Variants in STK40 observed in about 807,000 individuals in gnomAD.
STK40 encodes serine/threonine-protein kinase 40.
A neutral mutation model predicts 47.9 loss-of-function variants in STK40; 13 were observed. The ratio of observed to expected loss-of-function variants is 0.27; its 90% CI spans 0.18 to 0.43. The LOEUF (loss-of-function observed/expected upper bound fraction) is 0.43, where lower values mean the gene tolerates loss of function less well. Ranked by LOEUF, STK40 falls within the 20% of genes least tolerant of loss-of-function variation. The pLI is 1.00. For synonymous variants in STK40, 225 were observed against 243.2 expected (o/e 0.93, Z 0.69); for missense variants, 460 against 595.1 (o/e 0.77, Z 2.36).
rs541326255 is a variant in STK40, at chr1:36,383,424, G to A, written c.-9+2299C>T. ...GGGCACATGTGCCAGGCACTTCTGC[G>A]CCAGGCAGAGAAGCCCAGGCCAATG... On this transcript the variant is annotated intron_variant, in intron 1 of 10. Transcript: ENST00000373132. Among the ~76,000 whole-genome samples, 15 of 152,342 alleles carry A rather than the reference G, an allele frequency of 9.8e-5. No individual in the cohort carries two copies. The South Asian group carries it at 2.3e-3, about 23-fold the overall frequency.
chr1:36,367,969 G>A, intron 1 of STK40: 1 of 760,572 alleles, frequency 1.3e-6, no homozygotes. Flanking sequence ...CTGGAATTCA[G>A]ACCTGGTGCC....
intron 1 of STK40, among the ~76,000 whole-genome samples, chr1:36,374,664 T>C (rs56409909): frequency 0.16 from 24,675 of 152,220 alleles, 2,457 homozygotes; most frequent in Middle Eastern, 0.28. Flanking sequence ...CCGTACTGGC[T>C]TGGCCTCTCC....
chr1:36,348,138 GA>G (rs1042007895), intron 7 of STK40, among the ~76,000 whole-genome samples: 1 of 152,246 alleles, frequency 6.6e-6, no homozygotes, highest in African/African-American at 2.4e-5. Context: ...AGAGGGCTCT[GA>G]AACACAAACT....
chr1:36,358,126 G>T (rs1646820546), intron 4 of STK40, 113 bp downstream of exon 4: 4 of 1,320,862 alleles, frequency 3.0e-6, no homozygotes, highest in Non-Finnish European at 4.0e-6. Flanking sequence ...ACCTAGCATG[G>T]CAGGGACACC....
intron 1 of STK40, among the ~76,000 whole-genome samples, chr1:36,374,635 T>TAA (rs1646976585): frequency 6.6e-6 from 1 of 152,172 alleles, no homozygotes. Flanking sequence ...GGGACAGACT[T>TAA]ACAAGCTCTT....
At chr1:36,344,348 A>C (rs1570433210) in intron 7 of STK40, 84 bp from the exon 8 acceptor site, 1 of 1,480,846 alleles carries the variant, frequency 6.8e-7, no homozygotes, top group African/African-American at 1.4e-5. Flanking sequence ...GGGACCCTCC[A>C]CCTGCCACCC....
intron 1 of STK40, among the ~76,000 whole-genome samples, chr1:36,361,546 G>C (rs544738839): frequency 6.6e-6 from 1 of 152,304 alleles, no homozygotes; most frequent in African/African-American, 2.4e-5. Flanking sequence ...GCTAAAGGTG[G>C]ACATCCTTTA....
intron 1 of STK40, among the ~76,000 whole-genome samples, chr1:36,373,906 G>A (rs1646970087): frequency 6.6e-6 from 1 of 152,214 alleles, no homozygotes; most frequent in Admixed American, 6.5e-5. Context: ...CACCCCCTGA[G>A]GCCTGCTCTG....
intron 1 of STK40, among the ~76,000 whole-genome samples, chr1:36,383,932 G>A (rs1435800556): frequency 2.7e-5 from 4 of 149,868 alleles, no homozygotes; most frequent in East Asian, 2.0e-4. Context: ...GCACACTCCC[G>A]TCCCCACCCC....
At chr1:36,360,044 C>T (rs1215364617) in intron 2 of STK40, among the ~76,000 whole-genome samples, 1 of 152,178 alleles carries the variant, frequency 6.6e-6, no homozygotes, top group South Asian at 2.1e-4. Flanking sequence ...CTCACGTCAT[C>T]GTGGAACTTC....
In STK40 at chr1:36,341,804, A is replaced by C; in HGVS notation, c.1259T>G (p.Met420Arg). 6.2e-7 allele frequency: 1 copy of C among 1,613,082 alleles called. No individual in the cohort carries two copies. The highest frequency in any genetic ancestry group is 8.5e-7 in the Non-Finnish European group (1 of 1,179,936). ...CAGGATGGCCGTGTCCAAGGAGGTC[A>C]TGGGCTGTGCGTCGTGGCCCAGCCG... ...VRRLGHDAQP[M>R]TSLDTAILAQ... Residue 420 changes from methionine (M) to arginine (R), a missense_variant, in exon 11 of 11, where the codon ATG (methionine) becomes AGG (arginine). This residue lies in a region of STK40 where 181 missense variants were observed against 218.9 expected (regional missense o/e 0.83). Transcript: ENST00000373132.
At chr1:36,343,105 G>A in intron 10 of STK40, 1 of 633,748 alleles carries the variant, frequency 1.6e-6, no homozygotes, top group Non-Finnish European at 2.9e-6. Context: ...GCTGGCCTGG[G>A]CCACTTGGGC....
At chr1:36,342,997 A>T in intron 10 of STK40, 1 of 595,274 alleles carries the variant, frequency 1.7e-6, no homozygotes, top group Non-Finnish European at 3.0e-6. Flanking sequence ...ATAGGGAGAA[A>T]TGAATCATCT....
chr1:36,372,205 C>T (rs927759636), intron 1 of STK40, among the ~76,000 whole-genome samples: 6 of 151,488 alleles, frequency 4.0e-5, no homozygotes, highest in Non-Finnish European at 8.8e-5. Flanking sequence ...AAATTGAGCC[C>T]GGGCACGGTG....
At chr1:36,362,823 G>A (rs1350984872) in intron 1 of STK40, among the ~76,000 whole-genome samples, 1 of 152,194 alleles carries the variant, frequency 6.6e-6, no homozygotes, top group Non-Finnish European at 1.5e-5. Flanking sequence ...GGACCACACT[G>A]TAATGCTATT....
At chr1:36,351,021 G>C (rs1190811203) in intron 6 of STK40, among the ~76,000 whole-genome samples, 1 of 152,226 alleles carries the variant, frequency 6.6e-6, no homozygotes, top group Non-Finnish European at 1.5e-5. Flanking sequence ...ACAGGAGGGG[G>C]CAATGGCAGA....
chr1:36,342,942 C>T (rs745868559), intron 10 of STK40: 28 of 540,012 alleles, frequency 5.2e-5, no homozygotes, highest in Non-Finnish European at 3.6e-5. Flanking sequence ...TGCCCCCACC[C>T]TAGGCCCAAC....
rs867589179 is a variant in STK40, at chr1:36,347,944, G to A, written c.739+756C>T. Among the ~76,000 whole-genome samples the A allele has an allele frequency of 5.3e-5, 8 of 152,144 alleles. No individual in the cohort carries two copies. The South Asian group carries it at 1.2e-3, about 24-fold the overall frequency. On this transcript the variant is annotated intron_variant, in intron 7 of 10. Coordinates refer to ENST00000373132, the MANE Select transcript of STK40 (RefSeq NM_001282547.2). ...ATTACAGGCATGAGCCACTGCACCC[G>A]GCCTGTGAGTTACTTATTTGTTTCG...
rs151305728 is a variant in STK40 at position 36,351,636 on chromosome 1, T to C, written c.623+2728A>G. 3.8e-3 allele frequency among the ~76,000 whole-genome samples: 574 copies of C among 152,260 alleles called. 5 individuals are homozygous for C. The highest frequency in any genetic ancestry group is 0.013 in the African/African-American group (557 of 41,544). On this transcript the variant is annotated intron_variant, in intron 6 of 10. Transcript: ENST00000373132. ...CAGGACACTGGGTATGAGTGAGGCA[T>C]TGGCATTCTGCACCCTGAGGAGCAC...
Sources: allele counts gnomAD v4.1 joint callset (sites outside exome capture counted in the v4.1 genomes callset), GRCh38; gene constraint gnomAD v4.1.1; regional missense constraint gnomAD v4.1.1; transcripts MANE v1.5; gene names NCBI Gene and HGNC (gene_info 2026-07-23, HGNC 2026-07-21).